CARMIL1: variants seen among roughly 807,000 people sequenced by gnomAD.
CARMIL1 encodes capping protein regulator and myosin 1 linker 1.
In CARMIL1, 90 loss-of-function variants were observed where a neutral mutation model predicts 177.1. The ratio of observed to expected loss-of-function variants is 0.51; its 90% CI spans 0.43 to 0.61. The LOEUF is 0.61. Ranked by LOEUF, CARMIL1 falls within the 20% of genes least tolerant of loss-of-function variation. The pLI is 0.00. For synonymous variants in CARMIL1, 577 were observed against 606.2 expected (o/e 0.95, Z 0.71); for missense variants, 1,380 against 1,667.0 (o/e 0.83, Z 3.00).
intron 32 of CARMIL1, 112 bp downstream of exon 32, chr6:25,594,639 T>C: frequency 1.5e-6 from 1 of 652,596 alleles, no homozygotes; most frequent in Non-Finnish European, 2.6e-6. Flanking sequence ...AAATTACTAT[T>C]CTGACAGCTT....
intron 17 of CARMIL1, among the ~76,000 whole-genome samples, chr6:25,504,463 A>G (rs1391869877): frequency 6.6e-6 from 1 of 152,112 alleles, no homozygotes; most frequent in African/African-American, 2.4e-5. Flanking sequence ...CTTACACTTC[A>G]TGCTATTAAA....
At chr6:25,405,400 T>C (rs1374954302) in intron 2 of CARMIL1, among the ~76,000 whole-genome samples, 3 of 152,172 alleles carry the variant, frequency 2.0e-5, no homozygotes, top group Non-Finnish European at 4.4e-5. Context: ...CCATCCTTTA[T>C]TGATTATTTA....
chr6:25,517,115 C>A (rs560355348), intron 21 of CARMIL1, among the ~76,000 whole-genome samples: 1 of 152,256 alleles, frequency 6.6e-6, no homozygotes, highest in Admixed American at 6.5e-5. Context: ...TGTGCTATTG[C>A]TTTAAGTACA....
rs1445951187 is a variant in CARMIL1 at position 25,451,989 on chromosome 6, CCCCCCT to C, written c.614+1284_614+1289del. ...GTCATCTCATCACTAGCATCTTGCC[CCCCCCT>C]CCCCCCCCCAGAATACTGTTTTGAA... On this transcript the variant is annotated intron_variant, in intron 8 of 36. Coordinates refer to ENST00000329474, the MANE Select transcript of CARMIL1 (RefSeq NM_017640.6). 459 of 66,756 alleles carry C rather than the reference CCCCCCT, an allele frequency of 6.9e-3. 23 individuals are homozygous for C. Among genetic ancestry groups the C allele is most frequent in the Non-Finnish European group, 8.4e-3 (269 of 32,040 alleles). The allele number at this position is 66,756 out of a possible 1,614,324, so 4.1% of individuals were successfully genotyped here. A position where few individuals can be genotyped will look rare whatever the true frequency, so the allele number is the denominator to read the frequency against.
chr6:25,608,083 C>G (rs971625549), intron 35 of CARMIL1, among the ~76,000 whole-genome samples: 1 of 152,154 alleles, frequency 6.6e-6, no homozygotes, highest in African/African-American at 2.4e-5. Context: ...GAGCCTTGCT[C>G]CTAACATTGT....
intron 26 of CARMIL1, 32 bp from the exon 27 acceptor site, chr6:25,550,878 C>T (rs367612477): frequency 8.8e-6 from 14 of 1,593,276 alleles, no homozygotes; most frequent in African/African-American, 1.3e-5. Context: ...GCAGTGTCAT[C>T]ATCTCTTCCC....
Position 25,556,705 on chromosome 6 carries a change from A to C in CARMIL1, c.2597A>C (p.Asp866Ala). 3 of 1,612,838 alleles carry C rather than the reference A, an allele frequency of 1.9e-6. No homozygotes were observed. The highest frequency in any genetic ancestry group is 2.5e-6 in the Non-Finnish European group (3 of 1,179,380). Residue 866 changes from aspartate to alanine, a missense_variant, in exon 29 of 37, where the codon GAC becomes GCC. Physicochemically the swap from Asp to Ala is moderately radical, Grantham distance 126. Transcript: ENST00000329474. ...ALSHCHHKLA[D>A]HFSRRGKTLP... Reference sequence around the variant, plus strand: ...GTACACGTCTTGACCTTCTAGGCTGACCATTTCAGCAGACGTGGCAAGACC... The same window carrying C: ...GTACACGTCTTGACCTTCTAGGCTGCCCATTTCAGCAGACGTGGCAAGACC...
chr6:25,469,633 A>T lies in CARMIL1; in HGVS notation c.691-1536A>T, dbSNP rs556448319. Among the ~76,000 whole-genome samples the T allele has an allele frequency of 1.5e-4, 23 of 152,158 alleles. 1 individual carries two copies. The highest frequency in any genetic ancestry group is 5.3e-4 in the African/African-American group (22 of 41,516). On this transcript the variant is annotated intron_variant, in intron 9 of 36. Coordinates refer to ENST00000329474, the MANE Select transcript of CARMIL1 (RefSeq NM_017640.6). ...GATGCAGTGGTGCGATGACGGTTCA[A>T]TGCAGCCTCGACATCCTGGGCTCAA...
intron 17 of CARMIL1, among the ~76,000 whole-genome samples, chr6:25,500,908 C>T (rs537431641): frequency 1.3e-5 from 2 of 151,796 alleles, no homozygotes; most frequent in Admixed American, 6.6e-5. Context: ...TACAGGCGCC[C>T]GCCACCACGC....
rs747632044 is a variant in CARMIL1 at position 25,482,333 on chromosome 6, A to G, written c.951A>G (p.Leu317=). The G allele has an allele frequency of 1.3e-6, 2 of 1,548,028 alleles. No homozygotes were observed. The highest frequency in any genetic ancestry group is 1.2e-5 in the South Asian group (1 of 86,228). Residue 317 remains leucine (L), a synonymous_variant, in exon 12 of 37, where the codon TTA becomes TTG. Transcript: ENST00000329474. ...ACTTAAATTTATCTAAAACCTCATT[A>G]TCACCTAAAGGTACAGTATTTCTTA... ...LKHLNLSKTS[L]SPKGVNSLSQ...
chr6:25,305,267 T>C (rs1783174261), intron 2 of CARMIL1, among the ~76,000 whole-genome samples: 1 of 152,156 alleles, frequency 6.6e-6, no homozygotes, highest in African/African-American at 2.4e-5. Flanking sequence ...TTTTAGTTAA[T>C]AGTGTGGGGC....
intron 8 of CARMIL1, among the ~76,000 whole-genome samples, chr6:25,460,678 G>A (rs1295542217): frequency 6.6e-6 from 1 of 152,190 alleles, no homozygotes; most frequent in East Asian, 1.9e-4. Context: ...GGTATGTGTA[G>A]CTATAATTTA....
At chr6:25,343,376 C>T (rs923966998) in intron 2 of CARMIL1, among the ~76,000 whole-genome samples, 1 of 146,730 alleles carries the variant, frequency 6.8e-6, no homozygotes, top group Non-Finnish European at 1.5e-5. Flanking sequence ...GATCCATGAA[C>T]AAGGGATAAG....
intron 2 of CARMIL1, among the ~76,000 whole-genome samples, chr6:25,334,001 T>C (rs766003527): frequency 3.0e-4 from 45 of 152,238 alleles, no homozygotes; most frequent in Non-Finnish European, 5.1e-4. Flanking sequence ...TTCTTTCTCC[T>C]CTGCTGGTGT....
chr6:25,541,536 T>G (rs1271549251), intron 26 of CARMIL1, among the ~76,000 whole-genome samples: 1 of 152,214 alleles, frequency 6.6e-6, no homozygotes, highest in Non-Finnish European at 1.5e-5. Context: ...TTCATATGGA[T>G]TCACACACTG....
At chr6:25,596,532 A>G (rs547087065) in intron 32 of CARMIL1, among the ~76,000 whole-genome samples, 8 of 152,242 alleles carry the variant, frequency 5.3e-5, no homozygotes, top group African/African-American at 1.7e-4. Flanking sequence ...TTGTCTTAAT[A>G]GCATGCTTTC....
intron 31 of CARMIL1, among the ~76,000 whole-genome samples, chr6:25,586,718 C>A (rs28393611): frequency 6.6e-6 from 1 of 151,962 alleles, no homozygotes; most frequent in Non-Finnish European, 1.5e-5. Flanking sequence ...CTCGGGAGGC[C>A]GAGGCGGGCA....
intron 36 of CARMIL1, among the ~76,000 whole-genome samples, chr6:25,611,621 G>A (rs1486814718): frequency 6.6e-6 from 1 of 152,208 alleles, no homozygotes; most frequent in African/African-American, 2.4e-5. Context: ...GGATGGTAGT[G>A]CTAAGTAGGA....
chr6:25,527,764 C>A, intron 23 of CARMIL1: 1 of 395,068 alleles, frequency 2.5e-6, no homozygotes, highest in South Asian at 2.0e-5. Flanking sequence ...TTCAAGGGAT[C>A]GTAATTATAG....
Sources: gnomAD v4.1 joint callset for allele counts (sites outside exome capture counted in the v4.1 genomes callset) on GRCh38, gnomAD v4.1.1 for gene constraint, MANE v1.5 for transcripts, NCBI Gene and HGNC (gene_info 2026-07-23, HGNC 2026-07-21) for gene names.